ARPP19: variants seen among roughly 807,000 people sequenced by gnomAD.
The protein encoded by ARPP19 is cAMP-regulated phosphoprotein 19.
Under a neutral mutation model 12.0 loss-of-function variants are expected in ARPP19, and 8 were observed. The ratio of observed to expected loss-of-function variants is 0.67; its 90% confidence interval spans 0.39 to 1.21. The LOEUF (loss-of-function observed/expected upper bound fraction) is 1.21, where lower values mean the gene tolerates loss of function less well. Among genes scored for constraint, ARPP19 ranks in the 50% most tolerant of loss-of-function variants. The pLI is 0.01. For missense variants in ARPP19, 102 were observed against 136.3 expected (o/e 0.75, Z 1.25); for synonymous variants, 47 against 50.4 (o/e 0.93, Z 0.29).
intron 1 of ARPP19, among the ~76,000 whole-genome samples, chr15:52,566,583 C>A (rs924321552): frequency 6.6e-6 from 1 of 152,030 alleles, no homozygotes; most frequent in African/African-American, 2.4e-5. Flanking sequence ...TGCCACCACA[C>A]CTGGCTAATT....
chr15:52,557,121 T>C lies in ARPP19; in HGVS notation c.147A>G (p.Leu49=), dbSNP rs775138207. The part of the protein sequence containing the change: ...LGQKPGGSDF[L]RKRLQKGQKY... ...TTACCCCTTTCTGCAACCGTTTCCT[T>C]AAGAAATCTGAACCTCCAGGCTTTT... Residue 49 remains leucine (L), a synonymous_variant, in exon 2 of 3, where the codon TTA becomes TTG. Transcript: ENST00000249822. The C allele has an allele frequency of 6.2e-7, 1 of 1,612,264 alleles. No homozygotes were observed. The highest frequency in any genetic ancestry group is 8.5e-7 in the Non-Finnish European group (1 of 1,179,860).
chr15:52,547,523 A>T lies in ARPP19; in HGVS notation c.*4411T>A, dbSNP rs1409382949. ...AGTTGAAAAATAACATAATACAAAC[A>T]TATATTAATGGCTATCAAGACCAGC... On this transcript the variant is annotated 3_prime_UTR_variant, in exon 3 of 3. Transcript: ENST00000249822. 2.6e-5 allele frequency: 4 copies of T among 152,220 alleles called. No individual in the cohort carries two copies. The highest frequency in any genetic ancestry group is 5.9e-5 in the Non-Finnish European group (4 of 68,034). The allele number at this position is 152,220 out of a possible 1,614,324, so 9.4% of individuals were successfully genotyped here. A position where few individuals can be genotyped will look rare whatever the true frequency, so the allele number is the denominator to read the frequency against.
intron 1 of ARPP19, among the ~76,000 whole-genome samples, chr15:52,558,790 A>G (rs2078006476): frequency 6.6e-6 from 1 of 151,832 alleles, no homozygotes; most frequent in East Asian, 1.9e-4. Context: ...ACATTAAAAA[A>G]AAAAAAAAAA....
rs545598933 is a variant in ARPP19 at position 52,549,253 on chromosome 15, G to C, written c.*2681C>G. 2 of 152,160 alleles carry C rather than the reference G, an allele frequency of 1.3e-5. No individual in the cohort carries two copies. Among genetic ancestry groups the C allele is most frequent in the Admixed American group, 1.3e-4 (2 of 15,282 alleles). 9.4% of individuals were successfully genotyped at this position (152,160 alleles called of 1,614,324 possible). A position where few individuals can be genotyped will look rare whatever the true frequency, so the allele number is the denominator to read the frequency against. On this transcript the variant is annotated 3_prime_UTR_variant, in exon 3 of 3. Transcript: ENST00000249822. ...TAACCATTTCTGAGACTGTAACTTTGAAATTGTAAGAAATGGACAATTAAG... is the reference window on the plus strand; with the variant it reads ...TAACCATTTCTGAGACTGTAACTTTCAAATTGTAAGAAATGGACAATTAAG...
At chr15:52,556,994 T>C (rs548956322) in intron 2 of ARPP19, 106 bp downstream of exon 2, 8 of 1,254,934 alleles carry the variant, frequency 6.4e-6, no homozygotes, top group Non-Finnish European at 7.9e-6. Flanking sequence ...CATATGTACA[T>C]ACCTGATAAA....
chr15:52,556,974 T>C (rs2077987229), intron 2 of ARPP19, 126 bp downstream of exon 2: 1 of 964,372 alleles, frequency 1.0e-6, no homozygotes, highest in Non-Finnish European at 1.5e-6. Flanking sequence ...CCATTACAGA[T>C]ACATATACAC....
At chr15:52,556,448 C>T (rs902321247) in intron 2 of ARPP19, among the ~76,000 whole-genome samples, 8 of 152,100 alleles carry the variant, frequency 5.3e-5, no homozygotes, top group African/African-American at 1.9e-4. Flanking sequence ...TGGTATCTAC[C>T]TCGCAAAACA....
chr15:52,565,059 G>T (rs1173838738), intron 1 of ARPP19, among the ~76,000 whole-genome samples: 3 of 144,836 alleles, frequency 2.1e-5, no homozygotes, highest in Non-Finnish European at 3.0e-5. Context: ...TTTTTTTTGA[G>T]ACAGGGTCTC....
chr15:52,557,033 T>C, intron 2 of ARPP19, 67 bp downstream of exon 2: 1 of 1,529,352 alleles, frequency 6.5e-7, no homozygotes, highest in South Asian at 1.1e-5. Context: ...AGATATCCGT[T>C]TCACAATCTG....
chr15:52,557,137 C>G lies in ARPP19; in HGVS notation c.131G>C (p.Gly44Ala), dbSNP rs1566895751. The G allele has an allele frequency of 6.2e-7, 1 of 1,612,584 alleles. No homozygotes were observed. Among genetic ancestry groups the G allele is most frequent in the South Asian group, 1.1e-5 (1 of 91,014 alleles). ...ARYPHLGQKP[G>A]GSDFLRKRLQ... is the part of the protein sequence containing the mutation. ...CCGTTTCCTTAAGAAATCTGAACCTCCAGGCTTTTGTCCCAGATGAGGATA... is the reference window on the plus strand; with the variant it reads ...CCGTTTCCTTAAGAAATCTGAACCTGCAGGCTTTTGTCCCAGATGAGGATA... Residue 44 changes from glycine (G) to alanine (A), a missense_variant, in exon 2 of 3, where the codon GGA becomes GCA. Transcript: ENST00000249822.
chr15:52,565,059 G>C (rs1173838738), intron 1 of ARPP19, among the ~76,000 whole-genome samples: 2 of 144,838 alleles, frequency 1.4e-5, no homozygotes, highest in African/African-American at 5.1e-5. Context: ...TTTTTTTTGA[G>C]ACAGGGTCTC....
At chr15:52,559,836 T>G (rs796898267) in intron 1 of ARPP19, among the ~76,000 whole-genome samples, 17 of 152,182 alleles carry the variant, frequency 1.1e-4, no homozygotes, top group African/African-American at 4.1e-4. Context: ...TACTCTTGGG[T>G]TTCCCTGCAC....
chr15:52,569,140 G>C, upstream of ARPP19: 1 of 521,454 alleles, frequency 1.9e-6, no homozygotes, highest in South Asian at 2.4e-5. Flanking sequence ...CCCGCTCGCT[G>C]TCGTCCAAAC....
At position 52,551,093 on chromosome 15, in the gene ARPP19, A is replaced by T. The variant is rs2077926034; in HGVS notation, c.*841T>A. The T allele has an allele frequency of 6.5e-6, 1 of 152,704 alleles. No homozygotes were observed. Among genetic ancestry groups the T allele is most frequent in the African/African-American group, 2.4e-5 (1 of 41,476 alleles). The allele number at this position is 152,704 out of a possible 1,614,324, so 9.5% of individuals were successfully genotyped here. ...AAACTACTCTTATTATACAAAAGCT[A>T]TAATGATTTACAGAGTTTTGTGTAG... is the stretch of plus-strand genomic sequence containing the variant. On this transcript the variant is annotated 3_prime_UTR_variant, in exon 3 of 3. Coordinates refer to ENST00000249822, the MANE Select transcript of ARPP19 (RefSeq NM_006628.6).
intron 1 of ARPP19, 137 bp downstream of exon 1, chr15:52,568,711 C>A (rs1001945567): frequency 1.9e-4 from 104 of 544,366 alleles, no homozygotes; most frequent in Non-Finnish European, 2.0e-4. Flanking sequence ...GGCGGGAAGC[C>A]AAAGGTGGGG....
At chr15:52,552,755 C>T (rs1231573070) in intron 2 of ARPP19, among the ~76,000 whole-genome samples, 1 of 152,034 alleles carries the variant, frequency 6.6e-6, no homozygotes, top group Non-Finnish European at 1.5e-5. Flanking sequence ...GAAACACTTG[C>T]TTAAATTATT....
intron 2 of ARPP19, among the ~76,000 whole-genome samples, chr15:52,554,440 T>C (rs2077963395): frequency 5.2e-5 from 1 of 19,086 alleles, no homozygotes; most frequent in Admixed American, 1.2e-3. Flanking sequence ...TGCTTTAAGA[T>C]AGAGAAGTGA....
At position 52,548,784 on chromosome 15, in the gene ARPP19, TA is replaced by T. The variant is rs1262847060; in HGVS notation, c.*3149del. On this transcript the variant is annotated 3_prime_UTR_variant, in exon 3 of 3. Coordinates refer to ENST00000249822, the MANE Select transcript of ARPP19 (RefSeq NM_006628.6). ...CATTTCAGCTTCCATAAAACTTTAC[TA>T]ATTTGGATTAAGAACACAAGCCTGA... is the stretch of plus-strand genomic sequence containing the variant. The T allele has an allele frequency of 6.6e-6, 1 of 152,668 alleles. No homozygotes were observed. The highest frequency in any genetic ancestry group is 1.5e-5 in the Non-Finnish European group (1 of 68,052). 9.5% of individuals were successfully genotyped at this position (152,668 alleles called of 1,614,324 possible). A position where few individuals can be genotyped will look rare whatever the true frequency, so the allele number is the denominator to read the frequency against.
chr15:52,552,604 A>AAAAAAG (rs2077945367), intron 2 of ARPP19, among the ~76,000 whole-genome samples: 1 of 145,706 alleles, frequency 6.9e-6, no homozygotes, highest in Non-Finnish European at 1.5e-5. Flanking sequence ...AAAAAAAAAA[A>AAAAAAG]AAAAAGAACC....
Sources: allele counts gnomAD v4.1 joint callset (sites outside exome capture counted in the v4.1 genomes callset), GRCh38; gene constraint gnomAD v4.1.1; transcripts MANE v1.5; gene names NCBI Gene and HGNC (gene_info 2026-07-23, HGNC 2026-07-21).